OXCT1: variants seen among roughly 807,000 people sequenced by gnomAD.
OXCT1 encodes the protein succinyl-CoA:3-ketoacid coenzyme A transferase 1, mitochondrial.
OXCT1 carries 27 observed loss-of-function variants against 69.6 expected under a neutral mutation model. The observed-to-expected ratio is 0.39, with a 90% CI of 0.29 to 0.54. OXCT1 has a LOEUF of 0.54. Ranked by LOEUF, OXCT1 falls within the 20% of genes least tolerant of loss-of-function variation. The pLI is 0.72. For missense variants in OXCT1, 437 were observed against 650.2 expected (o/e 0.67, Z 3.57); for synonymous variants, 202 against 217.8 (o/e 0.93, Z 0.64).
At chr5:41,868,595 C>G (rs953517698) in intron 1 of OXCT1, among the ~76,000 whole-genome samples, 2 of 150,946 alleles carry the variant, frequency 1.3e-5, no homozygotes, top group Non-Finnish European at 3.0e-5. Context: ...TAGTGGCGGG[C>G]GCCTGTAGTC....
At position 41,850,216 on chromosome 5, in the gene OXCT1, A is replaced by G. The variant is rs1179971879; in HGVS notation, c.415-37T>C. On this transcript the variant is annotated intron_variant, in intron 4 of 16. Transcript: ENST00000196371. ...CAACCAACACCCCATAAGTTCACTA[A>G]GCACACTTCTCTATGTGGACACAAA... 5 of 1,611,086 alleles carry G rather than the reference A, an allele frequency of 3.1e-6. No individual in the cohort carries two copies. The Admixed American group carries it at 6.7e-5, about 22-fold the overall frequency.
Position 41,805,666 on chromosome 5 carries a change from T to C in OXCT1, c.856A>G (p.Lys286Glu). 6.2e-7 allele frequency: 1 copy of C among 1,607,016 alleles called. No homozygotes were observed. Among genetic ancestry groups the C allele is most frequent in the Non-Finnish European group, 8.5e-7 (1 of 1,173,790 alleles). The change falls in exon 9 of 17, where the codon AAA (lysine) becomes GAA (glutamate). Residue 286 changes from lysine (K) to glutamate (E), a missense_variant. Physicochemically the swap from Lys to Glu is moderately conservative, Grantham distance 56. Transcript: ENST00000196371. ...EKRIERLSIRKEGDGEAKSAK... is the reference protein window; with the variant it reads ...EKRIERLSIREEGDGEAKSAK... ...GATTTGGCTTCCCCATCTCCCTCTT[T>C]CCGGATTGATAAACGCTTTAAATTA...
In OXCT1 at chr5:41,843,617, A is replaced by C. The variant is rs758136372; in HGVS notation, c.565-836T>G. The C allele has an allele frequency of 8.1e-5, 37 of 456,024 alleles. 1 individual carries two copies. The highest frequency in any genetic ancestry group is 5.7e-4 in the South Asian group (37 of 64,552). The allele number at this position is 456,024 out of a possible 1,614,324, so 28.2% of individuals were successfully genotyped here. On this transcript the variant is annotated intron_variant, in intron 5 of 16. Coordinates refer to ENST00000196371, the MANE Select transcript of OXCT1 (RefSeq NM_000436.4). The stretch of plus-strand genomic sequence containing the variant: ...CTTGACGGTTTATTTCCGGGAATTA[A>C]AACAAGCATCCATTGCCACACTCCA...
At chr5:41,821,649 G>A (rs979985229) in intron 7 of OXCT1, among the ~76,000 whole-genome samples, 2 of 152,144 alleles carry the variant, frequency 1.3e-5, no homozygotes, top group Non-Finnish European at 2.9e-5. Context: ...ATTCTAATAG[G>A]TGTGTAATGG....
chr5:41,733,284 T>C (rs986673525), intron 16 of OXCT1, among the ~76,000 whole-genome samples: 1 of 151,592 alleles, frequency 6.6e-6, no homozygotes, highest in East Asian at 1.9e-4. Flanking sequence ...TTTGCTCTTG[T>C]TGCCCAGGCT....
chr5:41,795,350 C>T (rs1003170357), intron 11 of OXCT1, among the ~76,000 whole-genome samples: 4 of 152,112 alleles, frequency 2.6e-5, no homozygotes, highest in African/African-American at 9.7e-5. Context: ...GGTTAGGGAC[C>T]CCTGTTCTAC....
intron 7 of OXCT1, among the ~76,000 whole-genome samples, chr5:41,822,486 T>C (rs1747603010): frequency 6.6e-6 from 1 of 152,214 alleles, no homozygotes; most frequent in Non-Finnish European, 1.5e-5. Flanking sequence ...CTTTTTTTGC[T>C]TTGTTGTGTT....
At chr5:41,825,510 G>A (rs1449474953) in intron 7 of OXCT1, among the ~76,000 whole-genome samples, 1 of 152,110 alleles carries the variant, frequency 6.6e-6, no homozygotes, top group Non-Finnish European at 1.5e-5. Flanking sequence ...AATTCAATAA[G>A]GCAAAGCTAT....
intron 11 of OXCT1, among the ~76,000 whole-genome samples, chr5:41,795,713 A>G (rs768093280): frequency 5.3e-5 from 8 of 152,194 alleles, no homozygotes. Flanking sequence ...CTAGAAAAGT[A>G]GATCTTAAGA....
At chr5:41,787,634 CAAAAA>C (rs765691863) in intron 13 of OXCT1, among the ~76,000 whole-genome samples, 20 of 34,740 alleles carry the variant, frequency 5.8e-4, no homozygotes, top group African/African-American at 2.7e-3. Context: ...AAGCATTAGG[CAAAAA>C]AAAAAAAAAA....
intron 7 of OXCT1, among the ~76,000 whole-genome samples, chr5:41,827,464 G>A (rs559943854): frequency 3.3e-5 from 5 of 152,274 alleles, no homozygotes; most frequent in African/African-American, 9.6e-5. Context: ...TAGAGGATCC[G>A]ATGAGATACT....
intron 13 of OXCT1, among the ~76,000 whole-genome samples, chr5:41,787,299 G>T (rs1441960861): frequency 1.3e-5 from 2 of 152,078 alleles, no homozygotes; most frequent in Non-Finnish European, 2.9e-5. Context: ...TGAAAAAGTG[G>T]CTTTCGGACA....
At chr5:41,868,867 T>C (rs187425137) in intron 1 of OXCT1, among the ~76,000 whole-genome samples, 1 of 152,316 alleles carries the variant, frequency 6.6e-6, no homozygotes, top group African/African-American at 2.4e-5. Flanking sequence ...GAACCCCTTA[T>C]TTGCATCTCG....
At chr5:41,858,620 G>A (rs1350122456) in intron 3 of OXCT1, among the ~76,000 whole-genome samples, 1 of 152,072 alleles carries the variant, frequency 6.6e-6, no homozygotes, top group Non-Finnish European at 1.5e-5. Flanking sequence ...TTATTATAAA[G>A]CAAAAAGATA....
chr5:41,742,570 G>A (rs537967514), intron 15 of OXCT1, among the ~76,000 whole-genome samples: 357 of 152,268 alleles, frequency 2.3e-3, no homozygotes, highest in Non-Finnish European at 4.2e-3. Context: ...CCATGTTGGT[G>A]TGCTGCACCC....
chr5:41,846,950 G>A (rs1326836002), intron 5 of OXCT1, among the ~76,000 whole-genome samples: 2 of 152,044 alleles, frequency 1.3e-5, no homozygotes, highest in Non-Finnish European at 2.9e-5. Context: ...GTCTGTTCAT[G>A]TCCTTCGCCC....
chr5:41,731,814 G>A (rs1281608391), intron 16 of OXCT1, 44 bp from the exon 17 acceptor site: 1 of 1,577,984 alleles, frequency 6.3e-7, no homozygotes, highest in Non-Finnish European at 8.6e-7. Context: ...AAAACTGCAT[G>A]ATATAAATCT....
chr5:41,866,955 T>C (rs974595477), intron 1 of OXCT1, among the ~76,000 whole-genome samples: 1 of 152,214 alleles, frequency 6.6e-6, no homozygotes, highest in Non-Finnish European at 1.5e-5. Context: ...AAAGGCTGTG[T>C]GGTTACAGAC....
At chr5:41,764,597 T>G (rs1026785734) in intron 13 of OXCT1, among the ~76,000 whole-genome samples, 4 of 152,166 alleles carry the variant, frequency 2.6e-5, no homozygotes, top group Admixed American at 6.6e-5. Flanking sequence ...AAAGTACAGA[T>G]AAGTGTCTTT....
Sources: gnomAD v4.1 joint callset for allele counts (sites outside exome capture counted in the v4.1 genomes callset) on GRCh38, gnomAD v4.1.1 for gene constraint, MANE v1.5 for transcripts, NCBI Gene and HGNC (gene_info 2026-07-23, HGNC 2026-07-21) for gene names.